The following SH2D3A variants were observed in gnomAD, a reference collection of about 807,000 sequenced individuals.
SH2D3A encodes the protein SH2 domain-containing protein 3A.
SH2D3A carries 46 observed loss-of-function variants against 50.6 expected under a neutral mutation model. That is an observed-to-expected ratio of 0.91 (90% CI 0.72 to 1.16). SH2D3A has a LOEUF of 1.16. Ranked by LOEUF, SH2D3A falls within the 50% of genes most tolerant of loss-of-function variation. The pLI is 0.00. For missense variants in SH2D3A, 783 were observed against 786.2 expected (o/e 1.00, Z 0.05); for synonymous variants, 377 against 348.4 (o/e 1.08, Z -0.91).
chr19:6,765,771 T>G (rs1426570768), intron 1 of SH2D3A, among the ~76,000 whole-genome samples: 2 of 142,476 alleles, frequency 1.4e-5, no homozygotes, highest in Admixed American at 6.8e-5. Context: ...AAAAAAAGAA[T>G]GTAACCCCAG....
chr19:6,765,718 A>G (rs1378323731), intron 1 of SH2D3A, among the ~76,000 whole-genome samples: 1 of 146,508 alleles, frequency 6.8e-6, no homozygotes, highest in African/African-American at 2.7e-5. Flanking sequence ...ACTGCACTCC[A>G]GCCTGGGTGA....
In SH2D3A at chr19:6,754,327, G is replaced by GCCAGCT; in HGVS notation, c.1190_1195dup (p.Glu397_Leu398dup). Reference sequence around the variant, plus strand: ...CGCCGCCCCTGGCCGCAGCGCCAGCGCCAGCTCTACCAGTCCCCTCAGTGC... The same window carrying GCCAGCT: ...CGCCGCCCCTGGCCGCAGCGCCAGCGCCAGCTCCAGCTCTACCAGTCCCCTCAGTGC... On this transcript the variant is annotated inframe_insertion, in exon 7 of 10. Transcript: ENST00000245908. 1 of 1,572,798 alleles carries GCCAGCT rather than the reference G, an allele frequency of 6.4e-7. No individual in the cohort carries two copies. The highest frequency in any genetic ancestry group is 8.6e-7 in the Non-Finnish European group (1 of 1,165,784).
chr19:6,752,734 C>T lies in SH2D3A; in HGVS notation c.1590G>A (p.Glu530=), dbSNP rs1430292487. 2 of 1,548,802 alleles carry T rather than the reference C, an allele frequency of 1.3e-6. No homozygotes were observed. Among genetic ancestry groups the T allele is most frequent in the Non-Finnish European group, 1.7e-6 (2 of 1,145,352 alleles). Residue 530 remains glutamate, a synonymous_variant, in exon 10 of 10, where the codon GAG becomes GAA. Transcript: ENST00000245908. ...AGCCGGTGGTCAGGGCCTCCCTCAG[C>T]TCCGGGTTAGGCCGGAATCCTGGAA... ...QRLRGFRPNP[E]LREALTTGFV...
At chr19:6,753,170 G>T in intron 9 of SH2D3A, 7 of 985,282 alleles carry the variant, frequency 7.1e-6, no homozygotes, top group Non-Finnish European at 8.4e-6. Flanking sequence ...AGATCCCTGG[G>T]GGACGGGATC....
chr19:6,763,856 G>T (rs1014418950), intron 1 of SH2D3A, 40 bp from the exon 2 acceptor site: 1 of 699,194 alleles, frequency 1.4e-6, no homozygotes, highest in Non-Finnish European at 2.3e-6. Context: ...GAGTGTCTGG[G>T]TCAGCTCCTT....
intron 2 of SH2D3A, 129 bp downstream of exon 2, chr19:6,763,551 C>A: frequency 1.4e-6 from 1 of 710,270 alleles, no homozygotes; most frequent in Non-Finnish European, 2.3e-6. Flanking sequence ...TCAAGACAGT[C>A]CCCAGCCCTC....
Position 6,752,355 on chromosome 19 carries a change from C to G in SH2D3A, c.*238G>C, listed in dbSNP as rs552113043. ...GCCGACACAGAGGTGAAGTCAACTG[C>G]TAGAAATCACGGCTTTTAAGAGGTG... On this transcript the variant is annotated 3_prime_UTR_variant, in exon 10 of 10. Coordinates refer to ENST00000245908, the MANE Select transcript of SH2D3A (RefSeq NM_005490.3). 13 of 392,762 alleles carry G rather than the reference C, an allele frequency of 3.3e-5. No homozygotes were observed. Among genetic ancestry groups the G allele is most frequent in the African/African-American group, 2.7e-4 (13 of 48,724 alleles). The allele number at this position is 392,762 out of a possible 1,614,324, so 24.3% of individuals were successfully genotyped here. A position where few individuals can be genotyped will look rare whatever the true frequency, so the allele number is the denominator to read the frequency against.
At chr19:6,759,512 T>C (rs1409344279) in intron 4 of SH2D3A, 82 bp downstream of exon 4, 28 of 1,224,082 alleles carry the variant, frequency 2.3e-5, no homozygotes, top group Non-Finnish European at 3.3e-5. Flanking sequence ...CTCGAAGAGG[T>C]GCCTGCACCT....
At chr19:6,755,341 T>C (rs746699914) in intron 4 of SH2D3A, 26 bp from the exon 5 acceptor site, 1 of 1,458,540 alleles carries the variant, frequency 6.9e-7, no homozygotes, top group Non-Finnish European at 9.1e-7. Context: ...GAGGGGTCAA[T>C]GGGAATACAC....
chr19:6,754,774 A>G, intron 5 of SH2D3A, 43 bp from the exon 6 acceptor site: 1 of 1,613,768 alleles, frequency 6.2e-7, no homozygotes, highest in Non-Finnish European at 8.5e-7. Flanking sequence ...GTGATTATGT[A>G]GGCATGGTTG....
intron 4 of SH2D3A, among the ~76,000 whole-genome samples, chr19:6,755,552 T>A (rs935627026): frequency 6.6e-6 from 1 of 151,904 alleles, no homozygotes; most frequent in African/African-American, 2.4e-5. Context: ...TTATTTTTTT[T>A]TAATTTTATT....
intron 5 of SH2D3A, 42 bp from the exon 6 acceptor site, chr19:6,754,773 T>C (rs773508189): frequency 2.5e-6 from 4 of 1,613,710 alleles, no homozygotes; most frequent in East Asian, 4.5e-5. Context: ...CGTGATTATG[T>C]AGGCATGGTT....
In SH2D3A at chr19:6,755,226, C is replaced by T. The variant is rs145013085; in HGVS notation, c.586G>A (p.Asp196Asn). ...KAPAPLGTVA[D>N]SLRASDGQLQ... ...TGCCCATCGGAGGCCCTGAGACTGT[C>T]GGCAACAGTTCCCAGGGGAGCAGGG... The change falls in exon 5 of 10, where the codon GAC becomes AAC. Residue 196 changes from aspartate to asparagine, a missense_variant. Physicochemically the swap from Asp to Asn is conservative, Grantham distance 23. Transcript: ENST00000245908. 1.5e-5 allele frequency: 23 copies of T among 1,553,838 alleles called. No individual in the cohort carries two copies. Among genetic ancestry groups the T allele is most frequent in the Middle Eastern group, 1.7e-4 (1 of 5,778 alleles).
chr19:6,755,428 A>C, intron 4 of SH2D3A, 113 bp from the exon 5 acceptor site: 1 of 679,302 alleles, frequency 1.5e-6, no homozygotes, highest in Non-Finnish European at 2.3e-6. Flanking sequence ...CATTCCAATA[A>C]TGGGGTATAA....
In SH2D3A at chr19:6,763,771, G is replaced by T. The variant is rs771746902; in HGVS notation, c.-23C>A. 8.1e-6 allele frequency: 13 copies of T among 1,608,466 alleles called. No individual in the cohort carries two copies. The East Asian group carries it at 2.5e-4, about 30-fold the overall frequency. On this transcript the variant is annotated 5_prime_UTR_variant, in exon 2 of 10. Transcript: ENST00000245908. ...CATGGAGCTCTTGGGAACAGAGGGT[G>T]CCAGGGCTGAGCTCTGCACTTTCAA...
chr19:6,753,117 C>T, intron 9 of SH2D3A: 4 of 984,622 alleles, frequency 4.1e-6, no homozygotes, highest in Non-Finnish European at 4.8e-6. Flanking sequence ...TAGGATAGGA[C>T]GGAGGAGTCG....
At position 6,754,069 on chromosome 19, in the gene SH2D3A, G is replaced by A. The variant is rs1451497926; in HGVS notation, c.1367C>T (p.Ala456Val). 1 of 1,609,262 alleles carries A rather than the reference G, an allele frequency of 6.2e-7. No individual in the cohort carries two copies. Among genetic ancestry groups the A allele is most frequent in the Non-Finnish European group, 8.5e-7 (1 of 1,177,172 alleles). The change falls in exon 8 of 10, where the codon GCT (alanine) becomes GTT (valine). Residue 456 changes from alanine to valine, a missense_variant. Transcript: ENST00000245908. ...TCACTTACCAGCGCCCTCATCCAGAGCCCGCATCAGCGGCTTCAGCTCCTG... is the reference window on the plus strand; with the variant it reads ...TCACTTACCAGCGCCCTCATCCAGAACCCGCATCAGCGGCTTCAGCTCCTG... ...FEQELKPLMR[A>V]LDEGAGPCDP...
Position 6,754,079 on chromosome 19 carries a change from G to C in SH2D3A, c.1357C>G (p.Leu453Val), listed in dbSNP as rs763689754. 1 of 1,610,806 alleles carries C rather than the reference G, an allele frequency of 6.2e-7. No individual in the cohort carries two copies. Among genetic ancestry groups the C allele is most frequent in the South Asian group, 1.1e-5 (1 of 90,920 alleles). ...GCGCCCTCATCCAGAGCCCGCATCA[G>C]CGGCTTCAGCTCCTGCTCAAAGGCC... ...ALAFEQELKP[L>V]MRALDEGAGP... Residue 453 changes from leucine (L) to valine (V), a missense_variant, in exon 8 of 10, where the codon CTG becomes GTG. By Grantham distance (32) the Leu-to-Val change is conservative (BLOSUM62 1). Transcript: ENST00000245908.
At chr19:6,753,927 G>C (rs928960666) in intron 8 of SH2D3A, 125 bp downstream of exon 8, 1 of 1,212,138 alleles carries the variant, frequency 8.2e-7, no homozygotes, top group Non-Finnish European at 1.1e-6. Flanking sequence ...TCATGTGGAG[G>C]GCGGGGCCTA....
Sources: gnomAD v4.1 joint callset for allele counts (sites outside exome capture counted in the v4.1 genomes callset) on GRCh38, gnomAD v4.1.1 for gene constraint, MANE v1.5 for transcripts, NCBI Gene and HGNC (gene_info 2026-07-23, HGNC 2026-07-21) for gene names.